Variants in ADAMTS16 observed in about 807,000 individuals in gnomAD.
The protein encoded by ADAMTS16 is ADAM metallopeptidase with thrombospondin type 1 motif 16.
A neutral mutation model predicts 145.8 loss-of-function variants in ADAMTS16; 94 were observed. That is an observed-to-expected ratio of 0.64 (90% CI 0.55 to 0.77). ADAMTS16 has a LOEUF of 0.77. Among genes scored for constraint, ADAMTS16 ranks in the 30% least tolerant of loss-of-function variants. The probability of loss-of-function intolerance (pLI) is 0.00; values close to 1 mark genes in which losing one functional copy is unlikely to be tolerated. For synonymous variants in ADAMTS16, 659 were observed against 604.3 expected, an observed-to-expected ratio of 1.09 and a Z score of -1.33; for missense variants, 1,585 against 1,591.5, an observed-to-expected ratio of 1.00 and a Z score of 0.07.
intron 2 of ADAMTS16, among the ~76,000 whole-genome samples, chr5:5,144,785 GT>G (rs1734250789): frequency 6.6e-6 from 1 of 152,192 alleles, no homozygotes; most frequent in Admixed American, 6.5e-5. Flanking sequence ...TTCTGTCTCT[GT>G]TTTCTGGATT....
In ADAMTS16 at chr5:5,140,518, G is replaced by A; in HGVS notation, c.51G>A (p.Leu17=). 1 of 1,519,006 alleles carries A rather than the reference G, an allele frequency of 6.6e-7. No individual in the cohort carries two copies. The highest frequency in any genetic ancestry group is 2.3e-4 in the Middle Eastern group (1 of 4,374). The allele number at this position is 1,519,006 out of a possible 1,614,324, so 94.1% of individuals were successfully genotyped here. A position where few individuals can be genotyped will look rare whatever the true frequency, so the allele number is the denominator to read the frequency against. The change falls in exon 1 of 23, where the codon CTG becomes CTA. Residue 17 remains leucine (L), a synonymous_variant. Transcript: ENST00000274181. ...GWRGLAALWM[L]LAQVAEQAPA... Reference sequence around the variant, plus strand: ...GGGGCTTGGCGGCGCTGTGGATGCTGTTGGCGCAGGTGGCCGAGCAGGTGA... The same window carrying A: ...GGGGCTTGGCGGCGCTGTGGATGCTATTGGCGCAGGTGGCCGAGCAGGTGA...
chr5:5,145,747 C>G (rs542162410), intron 2 of ADAMTS16, among the ~76,000 whole-genome samples: 2 of 152,306 alleles, frequency 1.3e-5, no homozygotes, highest in Non-Finnish European at 1.5e-5. Context: ...TGCTAACCTT[C>G]CACTGTTTGG....
intron 18 of ADAMTS16, among the ~76,000 whole-genome samples, chr5:5,286,638 C>T (rs1387849465): frequency 6.6e-6 from 1 of 152,020 alleles, no homozygotes; most frequent in African/African-American, 2.4e-5. Context: ...GTGGGCAGAT[C>T]ACAAGATCAG....
rs1579312493 is a variant in ADAMTS16, at chr5:5,209,143, A to G, written c.1502A>G (p.Tyr501Cys). 1 of 1,614,016 alleles carries G rather than the reference A, an allele frequency of 6.2e-7. No individual in the cohort carries two copies. Among genetic ancestry groups the G allele is most frequent in the Non-Finnish European group, 8.5e-7 (1 of 1,179,900 alleles). The part of the protein sequence containing the change: ...LADQPKPVKE[Y>C]KYPEKLPGEL... ...GATCAGCCAAAGCCTGTGAAGGAAT[A>G]CAAGTATCCTGAGAAATTGCCAGGA... The change falls in exon 10 of 23, where the codon TAC becomes TGC. Residue 501 changes from tyrosine to cysteine, a missense_variant. Physicochemically the swap from Tyr to Cys is radical, Grantham distance 194. Around this residue, in one of 3 missense-constraint regions of ADAMTS16, gnomAD observed 298 missense variants for 367.6 expected, o/e 0.81. Coordinates refer to ENST00000274181, the MANE Select transcript of ADAMTS16 (RefSeq NM_139056.4).
chr5:5,143,745 A>G (rs1041924787), intron 2 of ADAMTS16, among the ~76,000 whole-genome samples: 1 of 152,184 alleles, frequency 6.6e-6, no homozygotes, highest in Non-Finnish European at 1.5e-5. Flanking sequence ...CCCGTCAATG[A>G]GAGACTGGAT....
chr5:5,208,534 G>C (rs1038250725), intron 9 of ADAMTS16, among the ~76,000 whole-genome samples: 1 of 152,164 alleles, frequency 6.6e-6, no homozygotes, highest in Non-Finnish European at 1.5e-5. Flanking sequence ...TTTTCTGCTT[G>C]ACTTGGGGGT....
chr5:5,142,246 A>T (rs1259498548), intron 2 of ADAMTS16: 1 of 152,192 alleles, frequency 6.6e-6, no homozygotes, highest in African/African-American at 2.4e-5. Flanking sequence ...TCCTAAAGTG[A>T]TTCAATCTGC....
chr5:5,215,890 A>AGG (rs1736423681), intron 10 of ADAMTS16, among the ~76,000 whole-genome samples: 1 of 96,352 alleles, frequency 1.0e-5, no homozygotes, highest in Non-Finnish European at 2.4e-5. Flanking sequence ...ATATATATAT[A>AGG]TATATATATA....
intron 22 of ADAMTS16, 148 bp downstream of exon 22, chr5:5,318,429 G>A: frequency 2.3e-6 from 2 of 874,150 alleles, no homozygotes; most frequent in Non-Finnish European, 3.2e-6. Flanking sequence ...ACAATGAAAT[G>A]GTCCATAGAG....
intron 16 of ADAMTS16, among the ~76,000 whole-genome samples, chr5:5,240,218 C>T (rs1737246674): frequency 6.6e-6 from 1 of 152,142 alleles, no homozygotes; most frequent in Non-Finnish European, 1.5e-5. Flanking sequence ...GATGCGGCCA[C>T]TCTTGGGGGA....
chr5:5,150,371 C>G (rs2101009), intron 3 of ADAMTS16, among the ~76,000 whole-genome samples: 151,778 of 152,326 alleles, frequency 1, 75,637 homozygotes, highest in Middle Eastern at 1. Flanking sequence ...CATGAAGTGG[C>G]TTTATTACTT....
intron 22 of ADAMTS16, among the ~76,000 whole-genome samples, chr5:5,318,632 C>T (rs1734152634): frequency 6.6e-6 from 1 of 152,200 alleles, no homozygotes; most frequent in Non-Finnish European, 1.5e-5. Context: ...CCTGTGCACA[C>T]ACAAAATCCC....
At chr5:5,305,292 CCACACA>C (rs1195026002) in intron 20 of ADAMTS16, among the ~76,000 whole-genome samples, 1 of 55,186 alleles carries the variant, frequency 1.8e-5, no homozygotes. Flanking sequence ...ACATCCCACA[CCACACA>C]CACACACATC....
chr5:5,260,981 CG>C (rs1737992769), intron 17 of ADAMTS16, among the ~76,000 whole-genome samples: 1 of 152,194 alleles, frequency 6.6e-6, no homozygotes, highest in South Asian at 2.1e-4. Context: ...GAGTTGTACA[CG>C]GCTTGGGCTG....
chr5:5,226,944 G>T (rs1055786027), intron 11 of ADAMTS16, among the ~76,000 whole-genome samples: 1 of 152,200 alleles, frequency 6.6e-6, no homozygotes, highest in Non-Finnish European at 1.5e-5. Flanking sequence ...GCTGAAATGC[G>T]TATCTGATGG....
intron 15 of ADAMTS16, 74 bp downstream of exon 15, chr5:5,239,348 G>C: frequency 6.7e-7 from 1 of 1,496,748 alleles, no homozygotes; most frequent in Non-Finnish European, 8.9e-7. Flanking sequence ...AGAGCTTGAG[G>C]TGACAGTGAA....
intron 3 of ADAMTS16, among the ~76,000 whole-genome samples, chr5:5,153,803 G>T (rs1367505966): frequency 6.6e-6 from 1 of 152,144 alleles, no homozygotes; most frequent in East Asian, 1.9e-4. Flanking sequence ...AATTCGTCTT[G>T]CATAAAACAT....
chr5:5,307,298 G>C (rs1270786619), intron 21 of ADAMTS16, among the ~76,000 whole-genome samples: 3 of 152,152 alleles, frequency 2.0e-5, no homozygotes, highest in Non-Finnish European at 4.4e-5. Context: ...GCTGACACTC[G>C]GTTCTCTGCA....
At position 5,141,235 on chromosome 5, in the gene ADAMTS16, G is replaced by T. The variant is rs115950179; in HGVS notation, c.175+469G>T. Among the ~76,000 whole-genome samples the T allele has an allele frequency of 2.5e-3, 388 of 152,218 alleles. 3 individuals are homozygous for T. The highest frequency in any genetic ancestry group is 9.0e-3 in the African/African-American group (372 of 41,536). ...TCTCAGTGAAGGAGATAAAAGAAGC[G>T]CTTAGCATCTCAATACCAAAGTTAA... On this transcript the variant is annotated intron_variant, in intron 2 of 22. Coordinates refer to ENST00000274181, the MANE Select transcript of ADAMTS16 (RefSeq NM_139056.4).
Sources: gnomAD v4.1 joint callset for allele counts (sites outside exome capture counted in the v4.1 genomes callset) on GRCh38, gnomAD v4.1.1 for gene constraint, gnomAD v4.1.1 regional missense constraint, MANE v1.5 for transcripts, NCBI Gene and HGNC (gene_info 2026-07-23, HGNC 2026-07-21) for gene names.